The following DACH2 variants were observed in gnomAD, a reference collection of about 807,000 sequenced individuals.
The protein encoded by DACH2 is dachshund homolog 2.
Under a neutral mutation model 35.8 loss-of-function variants are expected in DACH2, and 17 were observed. The ratio of observed to expected loss-of-function variants is 0.48; its 90% CI spans 0.33 to 0.71. DACH2 has a LOEUF of 0.71. DACH2 is among the 30% of genes least tolerant of loss of function. DACH2 has a pLI of 0.02. For synonymous variants in DACH2, 195 were observed against 177.3 expected, an observed-to-expected ratio of 1.10 and a Z score of -0.79; for missense variants, 469 against 472.7, an observed-to-expected ratio of 0.99 and a Z score of 0.07.
intron 1 of DACH2, among the ~76,000 whole-genome samples, chrX:86,272,185 A>T (rs996544156): frequency 3.4e-5 from 3 of 89,210 alleles, no homozygotes; most frequent in African/African-American, 1.3e-4. Flanking sequence ...ATGGCTGAAT[A>T]GTATTCCTTT....
intron 1 of DACH2, among the ~76,000 whole-genome samples, chrX:86,209,362 C>T (rs943808720): frequency 2.7e-5 from 3 of 111,566 alleles, no homozygotes; most frequent in African/African-American, 9.8e-5. Flanking sequence ...TAAACACAAA[C>T]AAACTCTTAA....
intron 2 of DACH2, among the ~76,000 whole-genome samples, chrX:86,377,485 A>G (rs1221314895): frequency 9.0e-6 from 1 of 111,120 alleles, no homozygotes; most frequent in Non-Finnish European, 1.9e-5. Context: ...AAGGGCAATC[A>G]GAGATAACAT....
intron 3 of DACH2, among the ~76,000 whole-genome samples, chrX:86,546,404 C>CTTCTT (rs774988785): frequency 3.7e-4 from 8 of 21,673 alleles, no homozygotes; most frequent in Admixed American, 6.8e-4. Flanking sequence ...TCTTCTTCTT[C>CTTCTT]CTTCTTCTTC....
At chrX:86,765,309 C>G (rs773040369) in intron 7 of DACH2, among the ~76,000 whole-genome samples, 1 of 111,295 alleles carries the variant, frequency 9.0e-6, no homozygotes, top group African/African-American at 3.3e-5. Flanking sequence ...CCAAATGAAG[C>G]CTAGTTTAGG....
intron 2 of DACH2, among the ~76,000 whole-genome samples, chrX:86,396,704 T>C (rs191339131): frequency 1.9e-4 from 21 of 111,235 alleles, no homozygotes; most frequent in African/African-American, 5.3e-4. Flanking sequence ...GTTGCAGATA[T>C]GTGGCATTAT....
chrX:86,434,658 T>C (rs2037038410), intron 2 of DACH2, among the ~76,000 whole-genome samples: 1 of 112,204 alleles, frequency 8.9e-6, no homozygotes, highest in South Asian at 3.7e-4. Context: ...CCATAGAAGA[T>C]TCTTTTTTCC....
At chrX:86,308,096 C>T (rs1401984961) in intron 1 of DACH2, among the ~76,000 whole-genome samples, 2 of 112,143 alleles carry the variant, frequency 1.8e-5, no homozygotes, top group African/African-American at 3.2e-5. Context: ...AGATTGGGAT[C>T]GTAGATTGTA....
intron 1 of DACH2, among the ~76,000 whole-genome samples, chrX:86,189,646 T>C (rs1255972389): frequency 9.0e-6 from 1 of 111,427 alleles, no homozygotes; most frequent in African/African-American, 3.3e-5. Flanking sequence ...TAATACCTTT[T>C]CTTAGGCTAT....
chrX:86,263,766 A>G (rs897708808), intron 1 of DACH2, among the ~76,000 whole-genome samples: 1 of 111,786 alleles, frequency 8.9e-6, no homozygotes, highest in South Asian at 3.7e-4. Context: ...CTCACCCATG[A>G]TCACCCATGA....
At chrX:86,494,248 G>A (rs1182514911) in intron 2 of DACH2, among the ~76,000 whole-genome samples, 1 of 112,175 alleles carries the variant, frequency 8.9e-6, no homozygotes, top group Non-Finnish European at 1.9e-5. Context: ...GTTGCAGGGA[G>A]TGACTTTTAA....
chrX:86,167,406 CT>C (rs1266562781), intron 1 of DACH2, among the ~76,000 whole-genome samples: 1 of 110,287 alleles, frequency 9.1e-6, no homozygotes, highest in Non-Finnish European at 1.9e-5. Context: ...GTAATGTCTC[CT>C]TTTTTCATTG....
intron 4 of DACH2, among the ~76,000 whole-genome samples, chrX:86,667,358 A>AAGGAAGGAAGG (rs1569463455): frequency 3.8e-4 from 20 of 53,233 alleles, no homozygotes; most frequent in East Asian, 2.8e-3. Flanking sequence ...AGGAAGGAAG[A>AAGGAAGGAAGG]GGAAGGGAAG....
At chrX:86,244,355 G>A (rs1434264710) in intron 1 of DACH2, among the ~76,000 whole-genome samples, 1 of 112,150 alleles carries the variant, frequency 8.9e-6, no homozygotes, top group Non-Finnish European at 1.9e-5. Context: ...TACAATCATA[G>A]CTAACTTAGG....
chrX:86,417,654 A>T (rs1362220482), intron 2 of DACH2, among the ~76,000 whole-genome samples: 2 of 111,647 alleles, frequency 1.8e-5, no homozygotes, highest in Non-Finnish European at 3.8e-5. Flanking sequence ...ATCATGTGGG[A>T]ATGGTGGGAG....
At chrX:86,417,356 G>T (rs1271218839) in intron 2 of DACH2, among the ~76,000 whole-genome samples, 3 of 111,401 alleles carry the variant, frequency 2.7e-5, no homozygotes, top group Non-Finnish European at 3.8e-5. Context: ...CAATTTTCAT[G>T]CTGCCAATAA....
In DACH2 at chrX:86,186,562, TA is replaced by T. The variant is rs764847061; in HGVS notation, c.488+37460del. Among the ~76,000 whole-genome samples, 374 of 111,797 alleles carry T rather than the reference TA, an allele frequency of 3.3e-3. 3 individuals carry two copies. The highest frequency in any genetic ancestry group is 0.011 in the African/African-American group (328 of 30,869). ...TTGAAGACAGGTAGTAACAATCCTC[TA>T]AAAAATAATTAAGGCTGTTGAATGT... On this transcript the variant is annotated intron_variant, in intron 1 of 11. Transcript: ENST00000373125.
intron 2 of DACH2, among the ~76,000 whole-genome samples, chrX:86,419,012 G>T (rs933141510): frequency 6.3e-5 from 7 of 111,592 alleles, no homozygotes; most frequent in Non-Finnish European, 1.1e-4. Context: ...CATAACAAGG[G>T]TTGCCTTTGC....
At chrX:86,505,708 C>T (rs1464132282) in intron 2 of DACH2, among the ~76,000 whole-genome samples, 1 of 111,809 alleles carries the variant, frequency 8.9e-6, no homozygotes, top group Admixed American at 9.5e-5. Context: ...GGAGAAAATG[C>T]TATGGCATTT....
At chrX:86,825,250 C>G (rs927368583) in intron 11 of DACH2, among the ~76,000 whole-genome samples, 1 of 110,033 alleles carries the variant, frequency 9.1e-6, no homozygotes, top group South Asian at 3.9e-4. Flanking sequence ...TTTTTAGTCT[C>G]TACTAAAAAT....
Sources: allele counts gnomAD v4.1 joint callset (sites outside exome capture counted in the v4.1 genomes callset), GRCh38; gene constraint gnomAD v4.1.1; transcripts MANE v1.5; gene names NCBI Gene and HGNC (gene_info 2026-07-23, HGNC 2026-07-21).